ELL: variants seen among roughly 807,000 people sequenced by gnomAD.
ELL encodes elongation factor for RNA polymerase II.
A neutral mutation model predicts 64.0 loss-of-function variants in ELL; 18 were observed. That is an observed-to-expected ratio of 0.28 (90% CI 0.19 to 0.42). The LOEUF (loss-of-function observed/expected upper bound fraction) is 0.42. ELL is among the 10% of genes least tolerant of loss of function. ELL has a pLI of 1.00. For synonymous variants in ELL, 399 were observed against 376.2 expected (o/e 1.06, Z -0.70); for missense variants, 797 against 870.4 (o/e 0.92, Z 1.06).
intron 1 of ELL, among the ~76,000 whole-genome samples, chr19:18,507,735 G>T (rs1173848647): frequency 1.3e-5 from 2 of 152,244 alleles, no homozygotes; most frequent in Non-Finnish European, 2.9e-5. Flanking sequence ...CAATCCCTCT[G>T]TGTAGGAGAT....
chr19:18,502,698 C>T (rs1204218012), intron 1 of ELL, among the ~76,000 whole-genome samples: 1 of 152,232 alleles, frequency 6.6e-6, no homozygotes, highest in East Asian at 1.9e-4. Flanking sequence ...CACCAGACAC[C>T]TGCCACTTGT....
chr19:18,447,936 C>T (rs1393642231), intron 8 of ELL, among the ~76,000 whole-genome samples: 1 of 151,982 alleles, frequency 6.6e-6, no homozygotes, highest in Non-Finnish European at 1.5e-5. Context: ...AGGCATATGC[C>T]ACCATGCCCA....
In ELL at chr19:18,522,046, G is replaced by A; in HGVS notation, c.10C>T (p.Leu4=). Residue 4 remains leucine, a synonymous_variant, in exon 1 of 12, where the codon CTG becomes TTG. Transcript: ENST00000262809. MAA[L]KEDRSYGLSC... ...AGCCCGTAGCTCCTATCCTCCTTCA[G>A]CGCCGCCATCTTGCGACCATCTCTC... 1 of 1,602,676 alleles carries A rather than the reference G, an allele frequency of 6.2e-7. No homozygotes were observed. The highest frequency in any genetic ancestry group is 8.5e-7 in the Non-Finnish European group (1 of 1,173,570).
chr19:18,517,687 C>A (rs755236225), intron 1 of ELL, among the ~76,000 whole-genome samples: 2 of 151,286 alleles, frequency 1.3e-5, no homozygotes, highest in Non-Finnish European at 2.9e-5. Flanking sequence ...ATGGGGAAAC[C>A]CCATCTCTAC....
intron 1 of ELL, among the ~76,000 whole-genome samples, chr19:18,509,591 GCGCACATACACACACACACACA>G (rs71166520): frequency 0.085 from 10,397 of 121,732 alleles, 733 homozygotes; most frequent in Admixed American, 0.13. Context: ...GTGCGCGCGC[GCGCACATACACACACACACACA>G]CACACACACA....
In ELL at chr19:18,447,938, C is replaced by T. The variant is rs556681414; in HGVS notation, c.1466-1124G>A. Among the ~76,000 whole-genome samples the T allele has an allele frequency of 3.3e-5, 5 of 152,094 alleles. No homozygotes were observed. In the East Asian group the frequency reaches 9.7e-4, roughly 29 times the overall value. Reference sequence around the variant, plus strand: ...TAGGTGAGACTACAGGCATATGCCACCATGCCCAGCTAATTACAAAATTTT... The same window carrying T: ...TAGGTGAGACTACAGGCATATGCCATCATGCCCAGCTAATTACAAAATTTT... On this transcript the variant is annotated intron_variant, in intron 8 of 11. Coordinates refer to ENST00000262809, the MANE Select transcript of ELL (RefSeq NM_006532.4).
At chr19:18,510,129 A>T (rs1468099135) in intron 1 of ELL, among the ~76,000 whole-genome samples, 4 of 152,212 alleles carry the variant, frequency 2.6e-5, no homozygotes, top group Admixed American at 2.6e-4. Flanking sequence ...GCACTTTGGG[A>T]GGCCAAGGTG....
chr19:18,496,665 T>G (rs1975660672), intron 1 of ELL, among the ~76,000 whole-genome samples: 1 of 152,140 alleles, frequency 6.6e-6, no homozygotes, highest in African/African-American at 2.4e-5. Flanking sequence ...TGCCAGCAGG[T>G]GGGGCCAGCT....
chr19:18,457,972 GACTC>G (rs1974717798), intron 6 of ELL, among the ~76,000 whole-genome samples: 1 of 152,200 alleles, frequency 6.6e-6, no homozygotes, highest in African/African-American at 2.4e-5. Context: ...CGGGGCCAGT[GACTC>G]ACACCTCCGT....
At chr19:18,477,720 G>C (rs1157125832) in intron 1 of ELL, among the ~76,000 whole-genome samples, 1 of 152,238 alleles carries the variant, frequency 6.6e-6, no homozygotes, top group Non-Finnish European at 1.5e-5. Context: ...AGAATCTTCT[G>C]TCAGCATCTG....
intron 1 of ELL, among the ~76,000 whole-genome samples, chr19:18,497,544 G>T (rs1975683114): frequency 6.6e-6 from 1 of 152,156 alleles, no homozygotes; most frequent in Admixed American, 6.5e-5. Context: ...GTCAGGCTGG[G>T]TGTGGTGGCT....
chr19:18,480,921 A>ACCGCACCCAGCCCGCAGCAGATATTTC (rs1284407844), intron 1 of ELL, among the ~76,000 whole-genome samples: 2 of 152,192 alleles, frequency 1.3e-5, no homozygotes, highest in Non-Finnish European at 2.9e-5. Flanking sequence ...GGTGTGAGCC[A>ACCGCACCCAGCCCGCAGCAGATATTTC]CCGCACCCAG....
chr19:18,457,686 G>T (rs1200179239), intron 6 of ELL, among the ~76,000 whole-genome samples: 1 of 152,204 alleles, frequency 6.6e-6, no homozygotes, highest in Non-Finnish European at 1.5e-5. Context: ...CTTAACCACT[G>T]CTCCCCTGAG....
chr19:18,465,685 A>C (rs1467067030), intron 3 of ELL, 110 bp from the exon 4 acceptor site: 11 of 1,477,200 alleles, frequency 7.4e-6, no homozygotes, highest in Non-Finnish European at 9.9e-6. Flanking sequence ...GGACTCTGTC[A>C]ACACCATCTC....
At chr19:18,478,302 G>T (rs1337334845) in intron 1 of ELL, among the ~76,000 whole-genome samples, 1 of 152,186 alleles carries the variant, frequency 6.6e-6, no homozygotes, top group Non-Finnish European at 1.5e-5. Context: ...TTTCCCTGCT[G>T]CCTTAGAAGC....
intron 5 of ELL, among the ~76,000 whole-genome samples, chr19:18,459,551 G>T (rs925176495): frequency 1.6e-5 from 2 of 122,584 alleles, no homozygotes; most frequent in African/African-American, 6.4e-5. Context: ...ATGGAGTCTC[G>T]CTCAGTTGCC....
Position 18,465,500 on chromosome 19 carries a change from G to A in ELL, c.381C>T (p.Tyr127=), listed in dbSNP as rs1489601518. 6.2e-7 allele frequency: 1 copy of A among 1,612,910 alleles called. No individual in the cohort carries two copies. Among genetic ancestry groups the A allele is most frequent in the African/African-American group, 1.3e-5 (1 of 74,930 alleles). ...KITVCATDDS[Y]QKARQSMAQA... ...GGGCCATGCTCTGCCGCGCCTTCTG[G>A]TAGGAGTCGTCGGTGGCACACACCG... is the stretch of plus-strand genomic sequence containing the variant. The change falls in exon 4 of 12, where the codon TAC becomes TAT. Residue 127 remains tyrosine (Y), a synonymous_variant. Transcript: ENST00000262809.
chr19:18,444,730 T>C lies in ELL; in HGVS notation c.*22A>G, dbSNP rs1286807513. On this transcript the variant is annotated 3_prime_UTR_variant, in exon 12 of 12. Transcript: ENST00000262809. ...CTTTTGCTCCCCCGACCCTCCCAGATCCCCGCCATCGGGGAGGGCGGCTAG... is the reference window on the plus strand; with the variant it reads ...CTTTTGCTCCCCCGACCCTCCCAGACCCCCGCCATCGGGGAGGGCGGCTAG... The C allele has an allele frequency of 3.8e-6, 6 of 1,584,998 alleles. No individual in the cohort carries two copies. The highest frequency in any genetic ancestry group is 2.7e-5 in the African/African-American group (2 of 74,372).
intron 1 of ELL, among the ~76,000 whole-genome samples, chr19:18,490,795 C>T (rs955176183): frequency 2.6e-5 from 4 of 152,170 alleles, no homozygotes; most frequent in South Asian, 2.1e-4. Context: ...ACTGCACACC[C>T]GCAGCCCCAG....
Sources: allele counts gnomAD v4.1 joint callset (sites outside exome capture counted in the v4.1 genomes callset), GRCh38; gene constraint gnomAD v4.1.1; transcripts MANE v1.5; gene names NCBI Gene and HGNC (gene_info 2026-07-23, HGNC 2026-07-21).